The following FAP variants were observed in gnomAD, a reference collection of about 807,000 sequenced individuals.
FAP encodes prolyl endopeptidase FAP.
FAP carries 110 observed loss-of-function variants against 126.5 expected under a neutral mutation model. That is an observed-to-expected ratio of 0.87 (90% CI 0.74 to 1.02). The LOEUF (loss-of-function observed/expected upper bound fraction) is 1.02. FAP is among the 50% of genes least tolerant of loss of function. The probability of loss-of-function intolerance (pLI) is 0.00; values close to 1 mark genes in which losing one functional copy is unlikely to be tolerated. For missense variants in FAP, 919 were observed against 909.2 expected, an observed-to-expected ratio of 1.01 and a Z score of -0.14; for synonymous variants, 334 against 297.3, an observed-to-expected ratio of 1.12 and a Z score of -1.27.
At chr2:162,189,028 T>G in intron 19 of FAP, 75 bp downstream of exon 19, 1 of 945,894 alleles carries the variant, frequency 1.1e-6, no homozygotes, top group Non-Finnish European at 1.7e-6. Flanking sequence ...AATGGTTCAT[T>G]CTATTTCATA....
intron 12 of FAP, among the ~76,000 whole-genome samples, chr2:162,205,551 T>G (rs1688669040): frequency 6.6e-6 from 1 of 152,176 alleles, no homozygotes; most frequent in Non-Finnish European, 1.5e-5. Flanking sequence ...TCGTTCTTGT[T>G]GCCCAGGCTG....
intron 12 of FAP, among the ~76,000 whole-genome samples, chr2:162,209,298 ATTCTC>A (rs943350736): frequency 6.6e-6 from 1 of 152,110 alleles, no homozygotes; most frequent in African/African-American, 2.4e-5. Context: ...ACCTTCACTT[ATTCTC>A]TTGTATTAAT....
chr2:162,210,858 G>A (rs1397569139), intron 11 of FAP, among the ~76,000 whole-genome samples: 1 of 152,156 alleles, frequency 6.6e-6, no homozygotes, highest in Non-Finnish European at 1.5e-5. Flanking sequence ...ATAGAACAGA[G>A]AAAATGAAGC....
chr2:162,227,674 G>A (rs1292724247), intron 2 of FAP, among the ~76,000 whole-genome samples: 5 of 152,130 alleles, frequency 3.3e-5, no homozygotes, highest in African/African-American at 1.2e-4. Flanking sequence ...GACTCTTCCA[G>A]TAAAGACCAC....
chr2:162,182,348 T>G (rs1687721778), intron 21 of FAP, among the ~76,000 whole-genome samples: 1 of 152,220 alleles, frequency 6.6e-6, no homozygotes, highest in South Asian at 2.1e-4. Context: ...TTTAGGAAAC[T>G]TTATAAAAAT....
intron 2 of FAP, among the ~76,000 whole-genome samples, chr2:162,233,455 T>C (rs1274075450): frequency 6.6e-6 from 1 of 152,094 alleles, no homozygotes; most frequent in Non-Finnish European, 1.5e-5. Flanking sequence ...TGTGGTTTTG[T>C]TTTGCATTTT....
chr2:162,190,880 A>T (rs1490926086), intron 17 of FAP, among the ~76,000 whole-genome samples: 1 of 152,124 alleles, frequency 6.6e-6, no homozygotes, highest in African/African-American at 2.4e-5. Context: ...ATTTTGCTCC[A>T]ACATGTTATA....
chr2:162,223,687 C>T, intron 5 of FAP, 27 bp from the exon 6 acceptor site: 1 of 1,513,188 alleles, frequency 6.6e-7, no homozygotes, highest in Admixed American at 1.7e-5. Flanking sequence ...AGACAAAAAA[C>T]AAATTGCAGT....
intron 19 of FAP, among the ~76,000 whole-genome samples, chr2:162,188,732 G>T (rs1361576834): frequency 6.6e-6 from 1 of 151,962 alleles, no homozygotes; most frequent in African/African-American, 2.4e-5. Context: ...GATTTTGGGT[G>T]TGATTCCACT....
At chr2:162,182,712 A>G (rs1331750392) in intron 21 of FAP, among the ~76,000 whole-genome samples, 2 of 152,352 alleles carry the variant, frequency 1.3e-5, no homozygotes, top group East Asian at 3.9e-4. Flanking sequence ...TCTTCTTTGA[A>G]GGGTAATTAT....
At chr2:162,192,375 G>A (rs1170747898) in intron 17 of FAP, among the ~76,000 whole-genome samples, 1 of 151,840 alleles carries the variant, frequency 6.6e-6, no homozygotes, top group Non-Finnish European at 1.5e-5. Context: ...TCCTCCTTGA[G>A]CTCTTCTCCT....
chr2:162,198,629 G>A (rs1473204426), intron 16 of FAP, 128 bp downstream of exon 16: 36 of 1,191,898 alleles, frequency 3.0e-5, no homozygotes, highest in Non-Finnish European at 4.1e-5. Flanking sequence ...TTTTCTATAA[G>A]CACAAGATAA....
chr2:162,242,004 G>A (rs1690371630), intron 2 of FAP, among the ~76,000 whole-genome samples: 1 of 152,072 alleles, frequency 6.6e-6, no homozygotes, highest in Non-Finnish European at 1.5e-5. Flanking sequence ...TTATTTTATT[G>A]ATCTTCATTT....
chr2:162,221,229 T>A (rs1689380696), intron 6 of FAP, among the ~76,000 whole-genome samples: 1 of 152,186 alleles, frequency 6.6e-6, no homozygotes, highest in Middle Eastern at 3.4e-3. Context: ...TTGAAAGGGA[T>A]GCAAGAGCCC....
Position 162,226,599 on chromosome 2 carries a change from T to C in FAP, c.114A>G (p.Thr38=). 1 of 1,590,032 alleles carries C rather than the reference T, an allele frequency of 6.3e-7. No individual in the cohort carries two copies. The highest frequency in any genetic ancestry group is 2.3e-5 in the East Asian group (1 of 44,406). ...TATCCTTCAGTGTGAGTGCTCTCAT[T>C]GTATTTTCTTCAGAGTTATGAACTT... ...PSRVHNSEEN[T]MRALTLKDIL... is the part of the protein sequence containing the mutation. Residue 38 remains threonine (T), a synonymous_variant, in exon 3 of 26, where the codon ACA becomes ACG. Transcript: ENST00000188790.
At chr2:162,218,724 T>C (rs903901699) in intron 8 of FAP, among the ~76,000 whole-genome samples, 1 of 151,602 alleles carries the variant, frequency 6.6e-6, no homozygotes, top group African/African-American at 2.4e-5. Context: ...TAAGATAACA[T>C]AGTCAGTTGT....
chr2:162,204,421 A>G (rs1232033194), intron 12 of FAP, among the ~76,000 whole-genome samples: 2 of 152,186 alleles, frequency 1.3e-5, no homozygotes, highest in Non-Finnish European at 2.9e-5. Context: ...GTCTTCGCAG[A>G]TGTAATCAAG....
intron 11 of FAP, among the ~76,000 whole-genome samples, chr2:162,212,579 T>C (rs77249760): frequency 9.7e-4 from 147 of 152,326 alleles, no homozygotes; most frequent in South Asian, 2.3e-3. Flanking sequence ...ATGTTGACTA[T>C]TATAGTCCTG....
chr2:162,192,851 C>G (rs543992324), intron 17 of FAP, among the ~76,000 whole-genome samples: 1 of 152,152 alleles, frequency 6.6e-6, no homozygotes, highest in Non-Finnish European at 1.5e-5. Context: ...TCATGAGTCT[C>G]GGGTTTGTGG....
Sources: allele counts gnomAD v4.1 joint callset (sites outside exome capture counted in the v4.1 genomes callset), GRCh38; gene constraint gnomAD v4.1.1; transcripts MANE v1.5; gene names NCBI Gene and HGNC (gene_info 2026-07-23, HGNC 2026-07-21).